PXDN: variants seen among roughly 807,000 people sequenced by gnomAD.
PXDN encodes peroxidasin homolog.
Under a neutral mutation model 140.3 loss-of-function variants are expected in PXDN, and 77 were observed. That is an observed-to-expected ratio of 0.55 (90% CI 0.46 to 0.66). The LOEUF is 0.66. Among genes scored for constraint, PXDN ranks in the 30% least tolerant of loss-of-function variants. The pLI is 0.00. For synonymous variants in PXDN, 911 were observed against 857.4 expected (o/e 1.06, Z -1.09); for missense variants, 1,838 against 2,039.5 (o/e 0.90, Z 1.90).
rs1336877188 is a variant in PXDN at position 1,723,609 on chromosome 2, GA to G, written c.200+20646del. On this transcript the variant is annotated intron_variant, in intron 1 of 22. Transcript: ENST00000252804. Reference sequence around the variant, plus strand: ...GGATGGATTAATGGATGGATAAATGGATAGGTGGTTATGGATGGACAGACAG... The same window carrying G: ...GGATGGATTAATGGATGGATAAATGGTAGGTGGTTATGGATGGACAGACAG... Among the ~76,000 whole-genome samples, 11 of 152,188 alleles carry G rather than the reference GA, an allele frequency of 7.2e-5. No homozygotes were observed. The East Asian group carries it at 1.5e-3, about 21-fold the overall frequency.
At chr2:1,674,569 G>A (rs1433033031) in intron 8 of PXDN, among the ~76,000 whole-genome samples, 8 of 152,164 alleles carry the variant, frequency 5.3e-5, no homozygotes, top group African/African-American at 1.4e-4. Context: ...GCCAAGAAAA[G>A]CTGCAACCTT....
chr2:1,730,138 T>C (rs1216453167), intron 1 of PXDN, among the ~76,000 whole-genome samples: 2 of 152,244 alleles, frequency 1.3e-5, no homozygotes, highest in African/African-American at 4.8e-5. Flanking sequence ...ATGTTTCTCC[T>C]GAATGACAGC....
At position 1,649,578 on chromosome 2, in the gene PXDN, G is replaced by A; in HGVS notation, c.2202C>T (p.Asp734=). ...TCCGGTACTTCTGGTGGAAGCACAT[G>A]TCCGAGCAGTTGTTCACGCGCCGGT... ...TAHRRVNNCS[D]MCFHQKYRTH... The change falls in exon 17 of 23, where the codon GAC becomes GAT. Residue 734 remains aspartate, a synonymous_variant. Coordinates refer to ENST00000252804, the MANE Select transcript of PXDN (RefSeq NM_012293.3). The surrounding 1 kb of genome is among the most constrained non-coding windows in gnomAD (Gnocchi z 7.1). The A allele has an allele frequency of 6.2e-6, 10 of 1,614,060 alleles. No homozygotes were observed. The highest frequency in any genetic ancestry group is 8.5e-6 in the Non-Finnish European group (10 of 1,179,906).
rs1266760572 is a variant in PXDN at position 1,632,938 on chromosome 2, T to C, written c.*1266A>G. 1 of 152,610 alleles carries C rather than the reference T, an allele frequency of 6.6e-6. No individual in the cohort carries two copies. The highest frequency in any genetic ancestry group is 1.5e-5 in the Non-Finnish European group (1 of 68,044). The allele number at this position is 152,610 out of a possible 1,614,324, so 9.5% of individuals were successfully genotyped here. On this transcript the variant is annotated 3_prime_UTR_variant, in exon 23 of 23. Coordinates refer to ENST00000252804, the MANE Select transcript of PXDN (RefSeq NM_012293.3). The surrounding 1 kb of genome is among the most constrained non-coding windows in gnomAD (Gnocchi z 4.3). The stretch of plus-strand genomic sequence containing the variant: ...GTCAGCGTGCTGCACTGAAGCTGTG[T>C]GTTCGGGGAAAGGTTGCTCAGAACA...
At chr2:1,677,099 A>G (rs1485463568) in intron 7 of PXDN, 55 bp from the exon 8 acceptor site, 30 of 1,436,664 alleles carry the variant, frequency 2.1e-5, no homozygotes, top group Non-Finnish European at 2.7e-5. Context: ...ACATGAAAAT[A>G]AATGACAACA....
At position 1,633,230 on chromosome 2, in the gene PXDN, C is replaced by T. The variant is rs1682459315; in HGVS notation, c.*974G>A. The T allele has an allele frequency of 6.8e-6, 1 of 147,714 alleles. No homozygotes were observed. The highest frequency in any genetic ancestry group is 2.5e-5 in the African/African-American group (1 of 39,916). 9.2% of individuals were successfully genotyped at this position (147,714 alleles called of 1,614,324 possible). ...AGTTAGACAGTTCCCGACACTTGAG[C>T]TCCTCCTCCCTTGGGAAGAGCCATC... On this transcript the variant is annotated 3_prime_UTR_variant, in exon 23 of 23. Transcript: ENST00000252804.
At chr2:1,683,997 A>G in intron 5 of PXDN, 83 bp downstream of exon 5, 2 of 1,279,664 alleles carry the variant, frequency 1.6e-6, no homozygotes, top group Non-Finnish European at 1.1e-6. Flanking sequence ...GGTGTTTGGT[A>G]GATATTGACC....
intron 14 of PXDN, among the ~76,000 whole-genome samples, chr2:1,655,912 CACATT>C (rs1445141264): frequency 2.6e-5 from 4 of 151,676 alleles, no homozygotes; most frequent in Non-Finnish European, 5.9e-5. Flanking sequence ...ACACACACAT[CACATT>C]AGACACACAT....
chr2:1,648,736 T>C lies in PXDN; in HGVS notation c.3044A>G (p.Tyr1015Cys). Residue 1015 changes from tyrosine (Y) to cysteine (C), a missense_variant, in exon 17 of 23, where the codon TAC (tyrosine) becomes TGC (cysteine). Physicochemically the swap from Tyr to Cys is radical, Grantham distance 194. This residue lies in a region of PXDN where 850 missense variants were observed against 894.1 expected (regional missense o/e 0.95). Transcript: ENST00000252804. This position sits in a 1 kb window ranked among gnomAD's most constrained non-coding sequence, Gnocchi z 8.9. The stretch of plus-strand genomic sequence containing the variant: ...ACCCACGATCTTCCTGGTCTCATAG[T>C]AGATGGTGTCGCCGTCCCAGTGCGG... ...LNPHWDGDTIYYETRKIVGAE... is the reference protein window; with the variant it reads ...LNPHWDGDTICYETRKIVGAE... 6.2e-7 allele frequency: 1 copy of C among 1,605,086 alleles called. No homozygotes were observed. Among genetic ancestry groups the C allele is most frequent in the Non-Finnish European group, 8.5e-7 (1 of 1,176,338 alleles).
chr2:1,704,346 AAGAGGGACAACTCCAGGTGAAG>A (rs1684530006), intron 1 of PXDN, among the ~76,000 whole-genome samples: 10 of 51,580 alleles, frequency 1.9e-4, no homozygotes, highest in East Asian at 6.1e-4. Flanking sequence ...CTCCAGGTGA[AAGAGGGACAACTCCAGGTGAAG>A]GGGGGGCAAC....
chr2:1,726,578 AT>A, intron 1 of PXDN, among the ~76,000 whole-genome samples: 1 of 152,264 alleles, frequency 6.6e-6, no homozygotes, highest in South Asian at 2.1e-4. Context: ...TTAAAGTATA[AT>A]AATAATAAAA....
intron 9 of PXDN, among the ~76,000 whole-genome samples, chr2:1,670,411 T>C (rs1358694767): frequency 6.6e-6 from 1 of 152,176 alleles, no homozygotes; most frequent in Non-Finnish European, 1.5e-5. Context: ...TTTTTTTGTA[T>C]ATAGATAGGA....
intron 1 of PXDN, among the ~76,000 whole-genome samples, chr2:1,710,534 A>C: frequency 7.4e-6 from 1 of 134,482 alleles, no homozygotes; most frequent in Admixed American, 7.6e-5. Context: ...CCACTCTACG[A>C]ACACCCACTC....
At chr2:1,719,037 C>G (rs189147340) in intron 1 of PXDN, among the ~76,000 whole-genome samples, 3 of 152,372 alleles carry the variant, frequency 2.0e-5, no homozygotes. Flanking sequence ...AGGCAAACAC[C>G]GGGCACAGCA....
chr2:1,703,055 G>A (rs1248550505), intron 1 of PXDN, among the ~76,000 whole-genome samples: 1 of 21,988 alleles, frequency 4.5e-5, no homozygotes. Flanking sequence ...CAGGTGAAGG[G>A]AGGGCAGCTC....
At position 1,649,070 on chromosome 2, in the gene PXDN, TG is replaced by T. The variant is rs770637429; in HGVS notation, c.2709del (p.Asn904ThrfsTer7). On this transcript the variant is annotated frameshift_variant, in exon 17 of 23. Coordinates refer to ENST00000252804, the MANE Select transcript of PXDN (RefSeq NM_012293.3). LOFTEE classifies it high-confidence loss of function. This position sits in a 1 kb window ranked among gnomAD's most constrained non-coding sequence, Gnocchi z 7.1. ...LMNSVYPREQ[I>X]NQLTSYIDAS... ...GCGTCTATGTAGGAGGTGAGCTGGT[TG>T]ATCTGCTCCCGCGGGTACACGGAGT... is the stretch of plus-strand genomic sequence containing the variant. 1 of 1,612,588 alleles carries T rather than the reference TG, an allele frequency of 6.2e-7. No individual in the cohort carries two copies.
chr2:1,644,565 T>A (rs1682806778), intron 18 of PXDN, 53 bp downstream of exon 18: 1 of 1,499,936 alleles, frequency 6.7e-7, no homozygotes, highest in Non-Finnish European at 9.0e-7. Context: ...TCCTCTGGAG[T>A]CCCTAAGAAG....
In PXDN at chr2:1,648,785, C is replaced by T; in HGVS notation, c.2995G>A (p.Ala999Thr). Residue 999 changes from alanine (A) to threonine (T), a missense_variant, in exon 17 of 23, where the codon GCC (alanine) becomes ACC (threonine). Ala to Thr is a moderately conservative substitution (Grantham distance 58). Around this residue, in one of 5 missense-constraint regions of PXDN, gnomAD observed 850 missense variants for 894.1 expected, o/e 0.95. Transcript: ENST00000252804. The surrounding 1 kb of genome is among the most constrained non-coding windows in gnomAD (Gnocchi z 8.9). ...TLWFREHNRI[A>T]TELLKLNPHW... Reference sequence around the variant, plus strand: ...GGGTTCAGCTTGAGCAGCTCCGTGGCAATGCGGTTGTGCTCGCGGAACCAC... The same window carrying T: ...GGGTTCAGCTTGAGCAGCTCCGTGGTAATGCGGTTGTGCTCGCGGAACCAC... 1 of 1,604,136 alleles carries T rather than the reference C, an allele frequency of 6.2e-7. No homozygotes were observed. Among genetic ancestry groups the T allele is most frequent in the Non-Finnish European group, 8.5e-7 (1 of 1,176,218 alleles).
chr2:1,715,896 C>A (rs1684883308), intron 1 of PXDN, among the ~76,000 whole-genome samples: 1 of 152,166 alleles, frequency 6.6e-6, no homozygotes, highest in Non-Finnish European at 1.5e-5. Flanking sequence ...ACAATACAGC[C>A]CTCACCCAGC....
Sources: gnomAD v4.1 joint callset for allele counts (sites outside exome capture counted in the v4.1 genomes callset) on GRCh38, gnomAD v4.1.1 for gene constraint, gnomAD v4.1.1 regional missense constraint, Gnocchi (gnomAD v3.1) non-coding constraint, MANE v1.5 for transcripts, NCBI Gene and HGNC (gene_info 2026-07-23, HGNC 2026-07-21) for gene names.